The following CCDC77 variants were observed in gnomAD, a reference collection of about 807,000 sequenced individuals.
The protein encoded by CCDC77 is coiled-coil domain-containing protein 77.
A neutral mutation model predicts 66.8 loss-of-function variants in CCDC77; 56 were observed. The observed-to-expected ratio is 0.84, with a 90% CI of 0.68 to 1.05. CCDC77 has a LOEUF of 1.05. Among genes scored for constraint, CCDC77 ranks in the 50% least tolerant of loss-of-function variants. CCDC77 has a pLI of 0.00. For synonymous variants in CCDC77, 196 were observed against 195.2 expected (o/e 1.00, Z -0.03); for missense variants, 570 against 576.8 (o/e 0.99, Z 0.12).
Position 440,907 on chromosome 12 carries a change from C to T in CCDC77, c.1231C>T (p.Arg411Cys), listed in dbSNP as rs751830276. 9.9e-6 allele frequency: 16 copies of T among 1,613,676 alleles called. No homozygotes were observed. Among genetic ancestry groups the T allele is most frequent in the Middle Eastern group, 1.6e-4 (1 of 6,062 alleles). The change falls in exon 12 of 13, where the codon CGT becomes TGT. Residue 411 changes from arginine (R) to cysteine (C), a missense_variant. Transcript: ENST00000239830. Reference sequence around the variant, plus strand: ...GACAAAACGCTATGAGGCATTGGAGCGTCGACGTATCCTGGAAGTAGAAGG... The same window carrying T: ...GACAAAACGCTATGAGGCATTGGAGTGTCGACGTATCCTGGAAGTAGAAGG... ...IMTKRYEALE[R>C]RRILEVEGFK...
intron 5 of CCDC77, 61 bp from the exon 6 acceptor site, chr12:428,708 G>A (rs191443948): frequency 2.0e-4 from 227 of 1,150,162 alleles, no homozygotes; most frequent in South Asian, 1.7e-3. Flanking sequence ...CCTTTAAACA[G>A]AAAAAGGTTA....
intron 1 of CCDC77, among the ~76,000 whole-genome samples, chr12:391,971 C>T (rs1290526905): frequency 1.3e-5 from 2 of 152,214 alleles, no homozygotes; most frequent in Admixed American, 1.3e-4. Context: ...ACCCCACTCC[C>T]ACCTCTCATG....
At position 442,441 on chromosome 12, in the gene CCDC77, A is replaced by T. The variant is rs1945874158; in HGVS notation, c.*521A>T. On this transcript the variant is annotated 3_prime_UTR_variant, in exon 13 of 13. Coordinates refer to ENST00000239830, the MANE Select transcript of CCDC77 (RefSeq NM_032358.4). The stretch of plus-strand genomic sequence containing the variant: ...CAGAGCCTGAATTACGTTTTTGGGC[A>T]ATTTCATGGTGTTTCACCAGAGGGC... 6.6e-6 allele frequency: 1 copy of T among 152,284 alleles called. No individual in the cohort carries two copies. The highest frequency in any genetic ancestry group is 1.5e-5 in the Non-Finnish European group (1 of 68,108). 9.4% of individuals were successfully genotyped at this position (152,284 alleles called of 1,614,324 possible).
chr12:422,482 T>C (rs1945421206), intron 5 of CCDC77, among the ~76,000 whole-genome samples: 1 of 152,234 alleles, frequency 6.6e-6, no homozygotes, highest in Admixed American at 6.5e-5. Context: ...TTCGTCTCCA[T>C]GAATTTGACG....
intron 4 of CCDC77, among the ~76,000 whole-genome samples, chr12:417,688 G>T (rs1945313302): frequency 6.6e-6 from 1 of 152,154 alleles, no homozygotes; most frequent in Non-Finnish European, 1.5e-5. Flanking sequence ...GCCAAGGTGG[G>T]TGGATTGCCT....
chr12:418,591 A>C lies in CCDC77; in HGVS notation c.368A>C (p.Glu123Ala). 6.2e-7 allele frequency: 1 copy of C among 1,614,188 alleles called. No homozygotes were observed. Among genetic ancestry groups the C allele is most frequent in the Non-Finnish European group, 8.5e-7 (1 of 1,180,016 alleles). ...CAGGTCTGCCTCTTCCAGGAACGGG[A>C]ACATGTTTTACGCCTCTACTCAGAA... ...DMQVCLFQEREHVLRLYSEND... is the reference protein window; with the variant it reads ...DMQVCLFQERAHVLRLYSEND... Residue 123 changes from glutamate (E) to alanine (A), a missense_variant, in exon 5 of 13, where the codon GAA (glutamate) becomes GCA (alanine). By Grantham distance (107) the Glu-to-Ala change is moderately radical (BLOSUM62 -1). Coordinates refer to ENST00000239830, the MANE Select transcript of CCDC77 (RefSeq NM_032358.4).
chr12:410,611 G>A (rs772602537), intron 3 of CCDC77, among the ~76,000 whole-genome samples: 4 of 145,752 alleles, frequency 2.7e-5, no homozygotes, highest in Non-Finnish European at 6.0e-5. Flanking sequence ...CTGGAGTGGC[G>A]TGATCTCGGC....
intron 12 of CCDC77, among the ~76,000 whole-genome samples, chr12:441,494 C>G (rs78176045): frequency 0.02 from 3,032 of 152,284 alleles, 48 homozygotes; most frequent in South Asian, 0.046. Flanking sequence ...GACAAACTTA[C>G]CAGTAGTGTC....
At chr12:423,470 G>GTGTTTTTTTTTTTT (rs1565572116) in intron 5 of CCDC77, among the ~76,000 whole-genome samples, 5 of 44,876 alleles carry the variant, frequency 1.1e-4, no homozygotes, top group East Asian at 1.1e-3. Flanking sequence ...TGTTTTTTGT[G>GTGTTTTTTTTTTTT]TTTTTTGTGT....
In CCDC77 at chr12:428,870, G is replaced by A; in HGVS notation, c.510+5G>A. 6.3e-7 allele frequency: 1 copy of A among 1,579,772 alleles called. No homozygotes were observed. On this transcript the variant is annotated splice_donor_5th_base_variant and intron_variant, in intron 6 of 12. Coordinates refer to ENST00000239830, the MANE Select transcript of CCDC77 (RefSeq NM_032358.4). ...TGTAAGGAGCCTCCTCACAAAGTAA[G>A]TAATCTTTGGTGTAGCATGGTGAGT...
chr12:391,022 C>G (rs1944745481), intron 1 of CCDC77, among the ~76,000 whole-genome samples: 1 of 152,110 alleles, frequency 6.6e-6, no homozygotes, highest in African/African-American at 2.4e-5. Flanking sequence ...TTCTGTTGGT[C>G]AAAGCAAGTC....
chr12:417,239 T>C (rs915108470), intron 4 of CCDC77, among the ~76,000 whole-genome samples: 1 of 152,174 alleles, frequency 6.6e-6, no homozygotes, highest in African/African-American at 2.4e-5. Context: ...TGTCCTCAAG[T>C]TTCGTCTGTG....
rs1174513279 is a variant in CCDC77 at position 414,017 on chromosome 12, CT to C, written c.270+2043del. Among the ~76,000 whole-genome samples the C allele has an allele frequency of 2.0e-5, 3 of 151,874 alleles. No homozygotes were observed. In the East Asian group the frequency reaches 5.8e-4, roughly 29 times the overall value. On this transcript the variant is annotated intron_variant, in intron 4 of 12. Transcript: ENST00000239830. Reference sequence around the variant, plus strand: ...GGTCTCCAAATACCTGTTTACCAAACTTTTCTCTTTTTGCCCTTTGCAGTGT... The same window carrying C: ...GGTCTCCAAATACCTGTTTACCAAACTTTCTCTTTTTGCCCTTTGCAGTGT...
intron 1 of CCDC77, among the ~76,000 whole-genome samples, chr12:389,749 G>A (rs1007245050): frequency 6.6e-6 from 1 of 152,212 alleles, no homozygotes; most frequent in African/African-American, 2.4e-5. Context: ...CACCGCCCGT[G>A]CTTCGTAATT....
chr12:433,136 G>T (rs762787552), intron 8 of CCDC77, 38 bp from the exon 9 acceptor site: 2 of 1,578,394 alleles, frequency 1.3e-6, no homozygotes, highest in African/African-American at 2.7e-5. Flanking sequence ...GTAAGTGGAA[G>T]TAGGGCTGGA....
At chr12:427,250 GA>G (rs35629667) in intron 5 of CCDC77, among the ~76,000 whole-genome samples, 42,986 of 144,358 alleles carry the variant, frequency 0.3, 7,190 homozygotes, top group East Asian at 0.53. Flanking sequence ...GCCTCGGAAA[GA>G]AAAAAAAAAA....
At chr12:410,005 A>AG (rs944631872) in intron 3 of CCDC77, among the ~76,000 whole-genome samples, 1 of 151,856 alleles carries the variant, frequency 6.6e-6, no homozygotes, top group African/African-American at 2.4e-5. Flanking sequence ...CTCAAAAAAA[A>AG]AAAAAAAGAA....
Position 433,244 on chromosome 12 carries a change from A to T in CCDC77, c.743A>T (p.Glu248Val). 1 of 1,614,122 alleles carries T rather than the reference A, an allele frequency of 6.2e-7. No individual in the cohort carries two copies. The highest frequency in any genetic ancestry group is 1.1e-5 in the South Asian group (1 of 91,076). Residue 248 changes from glutamate to valine, a missense_variant, in exon 9 of 13, where the codon GAG (glutamate) becomes GTG (valine). Transcript: ENST00000239830. ...LSREQIEGLIEDRRIHLEEIQ... is the reference protein window; with the variant it reads ...LSREQIEGLIVDRRIHLEEIQ... The stretch of plus-strand genomic sequence containing the variant: ...CGAGAACAAATTGAAGGGCTCATCG[A>T]GGACAGACGGATTCACCTTGAGGAA...
chr12:404,213 G>C (rs987065612), intron 1 of CCDC77, among the ~76,000 whole-genome samples: 3 of 152,234 alleles, frequency 2.0e-5, no homozygotes, highest in Non-Finnish European at 4.4e-5. Context: ...CCACTGGGGA[G>C]GCTGAGGCAG....
Sources: gnomAD v4.1 joint callset for allele counts (sites outside exome capture counted in the v4.1 genomes callset) on GRCh38, gnomAD v4.1.1 for gene constraint, MANE v1.5 for transcripts, NCBI Gene and HGNC (gene_info 2026-07-23, HGNC 2026-07-21) for gene names.